The following DEDD2 variants were observed in gnomAD, a reference collection of about 807,000 sequenced individuals.
DEDD2 encodes death effector domain containing 2.
DEDD2 carries 18 observed loss-of-function variants against 28.9 expected under a neutral mutation model. The ratio of observed to expected loss-of-function variants is 0.62; its 90% confidence interval spans 0.43 to 0.92. DEDD2 has a LOEUF of 0.92. Ranked by LOEUF, DEDD2 falls within the 40% of genes least tolerant of loss-of-function variation. The pLI, the probability that DEDD2 is intolerant of heterozygous loss-of-function variation, is 0.00. For synonymous variants in DEDD2, 211 were observed against 206.1 expected, an observed-to-expected ratio of 1.02 and a Z score of -0.20; for missense variants, 411 against 463.3, an observed-to-expected ratio of 0.89 and a Z score of 1.04.
At chr19:42,211,514 A>G (rs2035764609) in intron 3 of DEDD2, among the ~76,000 whole-genome samples, 2 of 152,118 alleles carry the variant, frequency 1.3e-5, no homozygotes, top group African/African-American at 4.8e-5. Flanking sequence ...TAACAGGAAT[A>G]CTCAGATGAA....
At chr19:42,203,279 G>A (rs1196909139) in intron 4 of DEDD2, among the ~76,000 whole-genome samples, 1 of 152,194 alleles carries the variant, frequency 6.6e-6, no homozygotes, top group East Asian at 1.9e-4. Context: ...GACAGGGCGA[G>A]TTATAGTTCA....
chr19:42,212,570 TCCTCCTACCTCAG>T lies in DEDD2; in HGVS notation c.448+2550_448+2562del, dbSNP rs1273861990. Among the ~76,000 whole-genome samples the T allele has an allele frequency of 3.3e-5, 5 of 149,674 alleles. No individual in the cohort carries two copies. In the East Asian group the frequency reaches 1.0e-3, roughly 31 times the overall value. On this transcript the variant is annotated intron_variant, in intron 3 of 4. Transcript: ENST00000596251. ...ACCTCCACCTTCCCAACTCAAGCAA[TCCTCCTACCTCAG>T]CCTCCTGAATAGCTGGGACTACACG... is the stretch of plus-strand genomic sequence containing the variant.
rs760367099 is a variant in DEDD2, at chr19:42,199,693, C to T, written c.726G>A (p.Arg242=). Residue 242 remains arginine, a synonymous_variant, in exon 5 of 5, where the codon AGG becomes AGA. Transcript: ENST00000596251. This position sits in a 1 kb window ranked among gnomAD's most constrained non-coding sequence, Gnocchi z 7.4. ...TGTCACAAACCACAGAGCCCAGGTC[C>T]CTTGAGCGCAGCACTGCGGTGGCCT... ...FGQATAVLRS[R]DLGSVVCDIK... 6.2e-7 allele frequency: 1 copy of T among 1,614,134 alleles called. No individual in the cohort carries two copies. The highest frequency in any genetic ancestry group is 2.2e-5 in the East Asian group (1 of 44,880).
At position 42,209,831 on chromosome 19, in the gene DEDD2, G is replaced by A. The variant is rs775992642; in HGVS notation, c.458C>T (p.Pro153Leu). 13 of 1,534,766 alleles carry A rather than the reference G, an allele frequency of 8.5e-6. No individual in the cohort carries two copies. The highest frequency in any genetic ancestry group is 7.1e-5 in the African/African-American group (5 of 70,586). Reference sequence around the variant, plus strand: ...CCGACTCCGCCGCTGCCGCTTGGTTGGGGGGGAGCCTGAGGGGAAAAAAAT... The same window carrying A: ...CCGACTCCGCCGCTGCCGCTTGGTTAGGGGGGAGCCTGAGGGGAAAAAAAT... ...QQGQWETGSPPTKRQRRSRGR... is the reference protein window; with the variant it reads ...QQGQWETGSPLTKRQRRSRGR... The change falls in exon 4 of 5, where the codon CCA becomes CTA. Residue 153 changes from proline to leucine, a missense_variant. Pro to Leu is a moderately conservative substitution (Grantham distance 98). Transcript: ENST00000596251.
chr19:42,214,035 C>CA (rs1392350131), intron 3 of DEDD2, among the ~76,000 whole-genome samples: 14 of 152,184 alleles, frequency 9.2e-5, no homozygotes, highest in African/African-American at 2.4e-4. Context: ...AAGGGTTCAA[C>CA]AAAAAAATCC....
chr19:42,201,824 A>G (rs2035342142), intron 4 of DEDD2: 1 of 394,258 alleles, frequency 2.5e-6, no homozygotes, highest in Non-Finnish European at 4.5e-6. Flanking sequence ...GTCTCTACCC[A>G]GACGACCAGA....
Position 42,215,141 on chromosome 19 carries a change from C to A in DEDD2, c.440G>T (p.Trp147Leu). ...SSSANSQQGQ[W>L]ETGSPPTKRQ... ...CACCCAGCTGGGCTCACCTGTCTCCCACTGACCCTGCTGAGAATTTGCAGA... is the reference window on the plus strand; with the variant it reads ...CACCCAGCTGGGCTCACCTGTCTCCAACTGACCCTGCTGAGAATTTGCAGA... Residue 147 changes from tryptophan (W) to leucine (L), a missense_variant, in exon 3 of 5, where the codon TGG (tryptophan) becomes TTG (leucine). Transcript: ENST00000596251. The A allele has an allele frequency of 6.2e-7, 1 of 1,614,036 alleles. No homozygotes were observed. Among genetic ancestry groups the A allele is most frequent in the Non-Finnish European group, 8.5e-7 (1 of 1,180,006 alleles).
At chr19:42,217,130 A>G in intron 1 of DEDD2, 85 bp from the exon 2 acceptor site, 1 of 1,107,540 alleles carries the variant, frequency 9.0e-7, no homozygotes, top group South Asian at 1.4e-5. Context: ...CCCCCGCCCA[A>G]TCGCGCCGGG....
chr19:42,199,217 C>A lies in DEDD2; in HGVS notation c.*221G>T. 1 of 695,418 alleles carries A rather than the reference C, an allele frequency of 1.4e-6. No homozygotes were observed. Among genetic ancestry groups the A allele is most frequent in the Non-Finnish European group, 2.3e-6 (1 of 435,638 alleles). The allele number at this position is 695,418 out of a possible 1,614,324, so 43.1% of individuals were successfully genotyped here. Reference sequence around the variant, plus strand: ...CGCCTCCGGAGGCTAAGGGGGCACACCTGGGGGTAGGAGGAGTCTGGGAAG... The same window carrying A: ...CGCCTCCGGAGGCTAAGGGGGCACAACTGGGGGTAGGAGGAGTCTGGGAAG... On this transcript the variant is annotated 3_prime_UTR_variant, in exon 5 of 5. Transcript: ENST00000596251. This position sits in a 1 kb window ranked among gnomAD's most constrained non-coding sequence, Gnocchi z 7.4.
At chr19:42,209,235 C>T (rs187725073) in intron 4 of DEDD2, among the ~76,000 whole-genome samples, 4 of 150,932 alleles carry the variant, frequency 2.7e-5, no homozygotes, top group African/African-American at 7.3e-5. Context: ...AGGGAGATGG[C>T]GTCTCAAAAA....
chr19:42,209,173 G>A lies in DEDD2; in HGVS notation c.589+527C>T, dbSNP rs189531127. Among the ~76,000 whole-genome samples the A allele has an allele frequency of 9.1e-4, 139 of 152,172 alleles. 1 individual carries two copies. Among genetic ancestry groups the A allele is most frequent in the Non-Finnish European group, 8.7e-4 (59 of 67,990 alleles). On this transcript the variant is annotated intron_variant, in intron 4 of 4. Transcript: ENST00000596251. ...GGAGAACTGCTTGAACCCAGGAGGC[G>A]GAGGTTGCAGTAAGCCAAGATCACA... is the stretch of plus-strand genomic sequence containing the variant.
chr19:42,217,265 C>A (rs1396375024), intron 1 of DEDD2, among the ~76,000 whole-genome samples: 1 of 152,128 alleles, frequency 6.6e-6, no homozygotes, highest in Non-Finnish European at 1.5e-5. Context: ...CCCCCACCAC[C>A]GTGCTACGTT....
rs2035979023 is a variant in DEDD2, at chr19:42,216,616, G to A, written c.328+64C>T. 3 of 1,458,684 alleles carry A rather than the reference G, an allele frequency of 2.1e-6. No individual in the cohort carries two copies. The South Asian group carries it at 4.0e-5, about 20-fold the overall frequency. 90.4% of individuals were successfully genotyped at this position (1,458,684 alleles called of 1,614,324 possible). On this transcript the variant is annotated intron_variant, in intron 2 of 4. Transcript: ENST00000596251. ...GCACTGTCCGTATCAGGGCACCAGG[G>A]AGGCCCAGCGGGAGCCAGGCCCTTT...
Position 42,211,461 on chromosome 19 carries a change from GAGGGAGGGAGGA to G in DEDD2, c.449-1633_449-1622del, listed in dbSNP as rs1281557029. Among the ~76,000 whole-genome samples the G allele has an allele frequency of 1.8e-3, 271 of 149,078 alleles. 1 individual carries two copies. Among genetic ancestry groups the G allele is most frequent in the African/African-American group, 6.4e-3 (261 of 40,470 alleles). On this transcript the variant is annotated intron_variant, in intron 3 of 4. Transcript: ENST00000596251. ...GGAGGGAGGGAGGGAAGGAGGAAGA[GAGGGAGGGAGGA>G]AGGGAGGGAGGGGATTGTATACATA...
intron 4 of DEDD2, among the ~76,000 whole-genome samples, chr19:42,207,637 G>A (rs922655948): frequency 6.6e-6 from 1 of 152,108 alleles, no homozygotes; most frequent in Non-Finnish European, 1.5e-5. Flanking sequence ...CCACTATAAC[G>A]TAAACTCCTG....
intron 4 of DEDD2, among the ~76,000 whole-genome samples, chr19:42,203,733 G>C (rs1382781856): frequency 1.3e-5 from 2 of 152,258 alleles, no homozygotes; most frequent in Non-Finnish European, 2.9e-5. Flanking sequence ...GAGAGGACAG[G>C]AGGCAGGACC....
intron 3 of DEDD2, among the ~76,000 whole-genome samples, chr19:42,214,758 A>G (rs1436116496): frequency 6.6e-6 from 1 of 152,158 alleles, no homozygotes; most frequent in African/African-American, 2.4e-5. Context: ...CCAAGCCCCT[A>G]TCTTGAAAAA....
In DEDD2 at chr19:42,216,912, C is replaced by G. The variant is rs1391785006; in HGVS notation, c.96G>C (p.Val32=). The G allele has an allele frequency of 6.3e-7, 1 of 1,599,594 alleles. No individual in the cohort carries two copies. The highest frequency in any genetic ancestry group is 8.5e-7 in the Non-Finnish European group (1 of 1,173,730). The change falls in exon 2 of 5, where the codon GTG becomes GTC. Residue 32 remains valine (V), a synonymous_variant. Coordinates refer to ENST00000596251, the MANE Select transcript of DEDD2 (RefSeq NM_133328.4). The part of the protein sequence containing the change: ...GMLSLHRMFE[V]VGGQLTECEL... ...CGCACTCGGTCAGTTGCCCGCCCAC[C>G]ACCTCGAACATACGGTGAAGCGACA...
Position 42,204,773 on chromosome 19 carries a change from C to A in DEDD2, c.589+4927G>T, listed in dbSNP as rs936163374. Among the ~76,000 whole-genome samples, 5 of 147,324 alleles carry A rather than the reference C, an allele frequency of 3.4e-5. No homozygotes were observed. The South Asian group carries it at 1.1e-3, about 32-fold the overall frequency. On this transcript the variant is annotated intron_variant, in intron 4 of 4. Transcript: ENST00000596251. ...ACCCCACCCCCGCCCCGCCCCCACA[C>A]CAGGACCAGCACCAGCCCCCTCTGG...
Sources: gnomAD v4.1 joint callset for allele counts (sites outside exome capture counted in the v4.1 genomes callset) on GRCh38, gnomAD v4.1.1 for gene constraint, Gnocchi (gnomAD v3.1) non-coding constraint, MANE v1.5 for transcripts, NCBI Gene and HGNC (gene_info 2026-07-23, HGNC 2026-07-21) for gene names.